FBXL7: variants seen among roughly 807,000 people sequenced by gnomAD.
FBXL7 encodes F-box/LRR-repeat protein 7.
FBXL7 carries 12 observed loss-of-function variants against 38.3 expected under a neutral mutation model. The ratio of observed to expected loss-of-function variants is 0.31; its 90% confidence interval spans 0.20 to 0.51. The LOEUF (loss-of-function observed/expected upper bound fraction) is 0.51. FBXL7 is among the 20% of genes least tolerant of loss of function. The pLI, the probability that FBXL7 is intolerant of heterozygous loss-of-function variation, is 0.98. For missense variants in FBXL7, 567 were observed against 676.4 expected (o/e 0.84, Z 1.79); for synonymous variants, 297 against 300.9 (o/e 0.99, Z 0.13).
intron 2 of FBXL7, among the ~76,000 whole-genome samples, chr5:15,667,245 C>T (rs1426687602): frequency 6.6e-6 from 1 of 152,104 alleles, no homozygotes; most frequent in Non-Finnish European, 1.5e-5. Context: ...GGTGATAATG[C>T]CTGCCAGAAC....
chr5:15,929,907 TG>T (rs1741995408), intron 3 of FBXL7, among the ~76,000 whole-genome samples: 1 of 152,024 alleles, frequency 6.6e-6, no homozygotes, highest in Non-Finnish European at 1.5e-5. Flanking sequence ...AAAAACACTA[TG>T]GTGGGTGAAC....
At chr5:15,818,897 A>G (rs991829929) in intron 2 of FBXL7, among the ~76,000 whole-genome samples, 2 of 152,108 alleles carry the variant, frequency 1.3e-5, no homozygotes, top group Non-Finnish European at 2.9e-5. Flanking sequence ...AGTTAACCCA[A>G]TGGCCTCCTA....
intron 2 of FBXL7, among the ~76,000 whole-genome samples, chr5:15,734,058 T>C (rs1433987966): frequency 6.7e-6 from 1 of 149,292 alleles, no homozygotes; most frequent in Non-Finnish European, 1.5e-5. Context: ...AGGGTTGCAG[T>C]GCACCAAGAT....
At chr5:15,560,140 T>A (rs1203341767) in intron 1 of FBXL7, among the ~76,000 whole-genome samples, 1 of 152,222 alleles carries the variant, frequency 6.6e-6, no homozygotes, top group Non-Finnish European at 1.5e-5. Flanking sequence ...GAACATGCAG[T>A]AAACAAACTT....
intron 2 of FBXL7, among the ~76,000 whole-genome samples, chr5:15,921,913 A>G (rs940838479): frequency 6.6e-6 from 1 of 152,178 alleles, no homozygotes; most frequent in Non-Finnish European, 1.5e-5. Context: ...TATGGAAAAC[A>G]GTATGGAGCT....
At chr5:15,660,076 T>G (rs1277431826) in intron 2 of FBXL7, among the ~76,000 whole-genome samples, 2 of 152,212 alleles carry the variant, frequency 1.3e-5, no homozygotes, top group Admixed American at 1.3e-4. Flanking sequence ...GTCTGCTTAT[T>G]CACTTTATTT....
chr5:15,599,337 G>A (rs972771201), intron 1 of FBXL7, among the ~76,000 whole-genome samples: 2 of 152,120 alleles, frequency 1.3e-5, no homozygotes, highest in Admixed American at 6.5e-5. Flanking sequence ...ATACACATAT[G>A]TGGATATGTG....
In FBXL7 at chr5:15,781,346, C is replaced by T. The variant is rs73752304; in HGVS notation, c.128-146544C>T. Among the ~76,000 whole-genome samples the T allele has an allele frequency of 4.4e-3, 665 of 151,924 alleles. 8 individuals carry two copies. Among genetic ancestry groups the T allele is most frequent in the African/African-American group, 0.015 (637 of 41,418 alleles). On this transcript the variant is annotated intron_variant, in intron 2 of 3. Coordinates refer to ENST00000504595, the MANE Select transcript of FBXL7 (RefSeq NM_012304.5). ...TTTATTTATGAGTAAGACTTGCATG[C>T]CATTGGATGTTAGTTTAACCATCCC...
chr5:15,613,488 G>A (rs1740325526), intron 1 of FBXL7, among the ~76,000 whole-genome samples: 1 of 152,188 alleles, frequency 6.6e-6, no homozygotes, highest in African/African-American at 2.4e-5. Context: ...TCTGAGGGTA[G>A]AGGCTGTGGA....
At chr5:15,644,304 C>CAAAAAAAA (rs369213583) in intron 2 of FBXL7, among the ~76,000 whole-genome samples, 2 of 94,808 alleles carry the variant, frequency 2.1e-5, no homozygotes, top group Non-Finnish European at 4.2e-5. Context: ...ACTAAAAATC[C>CAAAAAAAA]AAAAAAAAAA....
At chr5:15,736,245 C>G (rs1040793226) in intron 2 of FBXL7, among the ~76,000 whole-genome samples, 5 of 152,158 alleles carry the variant, frequency 3.3e-5, no homozygotes, top group Non-Finnish European at 7.4e-5. Context: ...CAACCACTTT[C>G]AAAAGGACCT....
chr5:15,668,242 T>A (rs1742349437), intron 2 of FBXL7, among the ~76,000 whole-genome samples: 2 of 152,194 alleles, frequency 1.3e-5, no homozygotes, highest in Admixed American at 6.6e-5. Context: ...GTTCCCTATG[T>A]CTGTATCTTT....
rs35279060 is a variant in FBXL7, at chr5:15,635,913, C to CT, written c.127+19855dup. Among the ~76,000 whole-genome samples, 1,168 of 142,486 alleles carry CT rather than the reference C, an allele frequency of 8.2e-3. 7 individuals carry two copies. Among genetic ancestry groups the CT allele is most frequent in the South Asian group, 0.02 (88 of 4,460 alleles). 93.5% of individuals were successfully genotyped at this position (142,486 alleles called of 152,430 possible). ...ACTGTGGTTCTGACCCATTTTTAGC[C>CT]TTTTTTTTTTTTTTCTAGCAGCTTA... On this transcript the variant is annotated intron_variant, in intron 2 of 3. Transcript: ENST00000504595.
chr5:15,922,477 G>A (rs932117540), intron 2 of FBXL7, among the ~76,000 whole-genome samples: 5 of 152,120 alleles, frequency 3.3e-5, no homozygotes, highest in Non-Finnish European at 7.4e-5. Flanking sequence ...ATTCCACCTC[G>A]GAGAACAGAA....
chr5:15,902,827 C>T (rs1741262254), intron 2 of FBXL7, among the ~76,000 whole-genome samples: 2 of 152,242 alleles, frequency 1.3e-5, no homozygotes, highest in Admixed American at 6.5e-5. Flanking sequence ...AGTATTTTCA[C>T]TTCTGGCTTT....
At chr5:15,715,319 C>T (rs1043278477) in intron 2 of FBXL7, among the ~76,000 whole-genome samples, 2 of 151,798 alleles carry the variant, frequency 1.3e-5, no homozygotes, top group Admixed American at 6.6e-5. Flanking sequence ...GGTGAAACCC[C>T]GTCTCTACCA....
chr5:15,853,528 A>C (rs188922610), intron 2 of FBXL7, among the ~76,000 whole-genome samples: 18 of 152,202 alleles, frequency 1.2e-4, no homozygotes, highest in Non-Finnish European at 2.1e-4. Context: ...CTTAGTAATG[A>C]GACTCAATCC....
At chr5:15,865,324 T>A (rs867761799) in intron 2 of FBXL7, among the ~76,000 whole-genome samples, 6 of 152,114 alleles carry the variant, frequency 3.9e-5, no homozygotes, top group Non-Finnish European at 2.9e-5. Flanking sequence ...TAGCTATCCA[T>A]AATGAGACTG....
chr5:15,753,381 T>C (rs966717022), intron 2 of FBXL7, among the ~76,000 whole-genome samples: 2 of 152,198 alleles, frequency 1.3e-5, no homozygotes, highest in Non-Finnish European at 2.9e-5. Context: ...ATGTTAGTAT[T>C]TGTGACTTAG....
Sources: gnomAD v4.1 joint callset for allele counts (sites outside exome capture counted in the v4.1 genomes callset) on GRCh38, gnomAD v4.1.1 for gene constraint, MANE v1.5 for transcripts, NCBI Gene and HGNC (gene_info 2026-07-23, HGNC 2026-07-21) for gene names.